MCUR1: variants seen among roughly 807,000 people sequenced by gnomAD.
The protein encoded by MCUR1 is mitochondrial calcium uniporter regulator 1.
A neutral mutation model predicts 42.0 loss-of-function variants in MCUR1; 37 were observed. The observed-to-expected ratio is 0.88, with a 90% CI of 0.68 to 1.16. MCUR1 has a LOEUF of 1.16. Among genes scored for constraint, MCUR1 ranks in the 50% most tolerant of loss-of-function variants. The pLI, the probability that MCUR1 is intolerant of heterozygous loss-of-function variation, is 0.00. For missense variants in MCUR1, 469 were observed against 468.4 expected (o/e 1.00, Z -0.01); for synonymous variants, 229 against 196.2 (o/e 1.17, Z -1.40).
chr6:13,800,555 C>A (rs758775366), intron 4 of MCUR1, among the ~76,000 whole-genome samples, 173 bp from the exon 5 acceptor site: 4 of 152,192 alleles, frequency 2.6e-5, no homozygotes, highest in African/African-American at 9.7e-5. Context: ...AGTTTGAATT[C>A]ATCTTGAAGG....
In MCUR1 at chr6:13,813,881, C is replaced by A. The variant is rs901697685; in HGVS notation, c.415+134G>T. The A allele has an allele frequency of 7.2e-5, 69 of 962,184 alleles. No homozygotes were observed. In the African/African-American group the frequency reaches 9.5e-4, roughly 13 times the overall value. The allele number at this position is 962,184 out of a possible 1,614,324, so 59.6% of individuals were successfully genotyped here. ...CCGGACCTTCGACCCACGCTCCGGG[C>A]AGATGCCGGTGGCCTTGGAGGACCC... On this transcript the variant is annotated intron_variant, in intron 1 of 8. Coordinates refer to ENST00000379170, the MANE Select transcript of MCUR1 (RefSeq NM_001031713.4).
At chr6:13,796,719 A>G (rs1759865620) in intron 6 of MCUR1, among the ~76,000 whole-genome samples, 1 of 152,218 alleles carries the variant, frequency 6.6e-6, no homozygotes, top group Non-Finnish European at 1.5e-5. Context: ...AAAAATGTAC[A>G]TATATATCAG....
In MCUR1 at chr6:13,787,401, T is replaced by C. The variant is rs1759627221; in HGVS notation, c.*3408A>G. 6.6e-6 allele frequency: 1 copy of C among 152,166 alleles called. No homozygotes were observed. The highest frequency in any genetic ancestry group is 1.5e-5 in the Non-Finnish European group (1 of 68,020). 9.4% of individuals were successfully genotyped at this position (152,166 alleles called of 1,614,324 possible). A position where few individuals can be genotyped will look rare whatever the true frequency, so the allele number is the denominator to read the frequency against. On this transcript the variant is annotated 3_prime_UTR_variant, in exon 9 of 9. Coordinates refer to ENST00000379170, the MANE Select transcript of MCUR1 (RefSeq NM_001031713.4). ...CATTCAGATTTAGTTTTGCTAGATA[T>C]TAAACTAGAAAACTGGATGACAGTA...
rs757376760 is a variant in MCUR1, at chr6:13,798,840, T to C, written c.848A>G (p.Lys283Arg). The change falls in exon 6 of 9, where the codon AAA (lysine) becomes AGA (arginine). Residue 283 changes from lysine to arginine, a missense_variant. Lys to Arg is a conservative substitution (Grantham distance 26). Coordinates refer to ENST00000379170, the MANE Select transcript of MCUR1 (RefSeq NM_001031713.4). ...TTTAGTAAAGGAACGTACCAATTCT[T>C]TTACTCTGCTCTTTTCTAGGTTGAA... ...LDFNLEKSRV[K>R]ELYSLNEKKL... 1.3e-5 allele frequency: 21 copies of C among 1,611,002 alleles called. No homozygotes were observed. The Middle Eastern group carries it at 1.3e-3, about 101-fold the overall frequency.
chr6:13,804,957 T>C (rs9396165), intron 2 of MCUR1, among the ~76,000 whole-genome samples: 61,296 of 151,602 alleles, frequency 0.4, 13,934 homozygotes, highest in South Asian at 0.52. Context: ...AAAGAAAGGG[T>C]AGAATATGCC....
chr6:13,803,354 C>T (rs1760035782), intron 2 of MCUR1, among the ~76,000 whole-genome samples: 1 of 152,174 alleles, frequency 6.6e-6, no homozygotes, highest in Non-Finnish European at 1.5e-5. Context: ...AGCCACCACG[C>T]CTGGCCAGTA....
intron 6 of MCUR1, 107 bp from the exon 7 acceptor site, chr6:13,794,054 C>T (rs1365232682): frequency 4.4e-6 from 4 of 909,752 alleles, no homozygotes; most frequent in African/African-American, 1.7e-5. Flanking sequence ...ATACGTAACA[C>T]CAGAAAGTCA....
intron 8 of MCUR1, 62 bp from the exon 9 acceptor site, chr6:13,790,926 C>CT (rs1249600523): frequency 7.7e-6 from 10 of 1,298,614 alleles, no homozygotes; most frequent in African/African-American, 3.0e-5. Flanking sequence ...GAGGGAACAT[C>CT]TTTTTTTAAG....
At chr6:13,806,633 A>T (rs1433246908) in intron 2 of MCUR1, among the ~76,000 whole-genome samples, 1 of 152,180 alleles carries the variant, frequency 6.6e-6, no homozygotes, top group Non-Finnish European at 1.5e-5. Flanking sequence ...AGTCAAAGAG[A>T]TACAAAAATC....
chr6:13,812,627 C>T (rs899206174), intron 1 of MCUR1, among the ~76,000 whole-genome samples: 11 of 152,186 alleles, frequency 7.2e-5, no homozygotes, highest in Non-Finnish European at 1.2e-4. Context: ...ACTCATTCCC[C>T]ACTCTCTGTA....
chr6:13,807,026 C>A lies in MCUR1; in HGVS notation c.434G>T (p.Gly145Val), dbSNP rs1410922144. 1.2e-6 allele frequency: 2 copies of A among 1,612,220 alleles called. No homozygotes were observed. The highest frequency in any genetic ancestry group is 2.7e-5 in the African/African-American group (2 of 74,844). The change falls in exon 2 of 9, where the codon GGA becomes GTA. Residue 145 changes from glycine to valine, a missense_variant. Coordinates refer to ENST00000379170, the MANE Select transcript of MCUR1 (RefSeq NM_001031713.4). ...CCTTTTGCGCTCCAGCTGCAGGGAT[C>A]CAGCAGACAAGCTTAGCTCTAGGGT... Reference protein sequence around the residue: ...SCRRELSLSAGSLQLERKRRD... With the variant: ...SCRRELSLSAVSLQLERKRRD...
At position 13,814,256 on chromosome 6, in the gene MCUR1, C is replaced by A; in HGVS notation, c.174G>T (p.Ala58=). 4 of 1,474,042 alleles carry A rather than the reference C, an allele frequency of 2.7e-6. No individual in the cohort carries two copies. The highest frequency in any genetic ancestry group is 3.6e-6 in the Non-Finnish European group (4 of 1,120,164). The allele number at this position is 1,474,042 out of a possible 1,614,324, so 91.3% of individuals were successfully genotyped here. ...AGGCACGTGACACGCCGCCGCGGGC[C>A]GCCGGGGCGCGAGGGCGCAGCGCCC... ...GLGALRPRAP[A]ARGGVSRASP... Residue 58 remains alanine, a synonymous_variant, in exon 1 of 9, where the codon GCG becomes GCT. Coordinates refer to ENST00000379170, the MANE Select transcript of MCUR1 (RefSeq NM_001031713.4).
chr6:13,808,285 T>C (rs796689882), intron 1 of MCUR1, among the ~76,000 whole-genome samples: 12 of 152,348 alleles, frequency 7.9e-5, no homozygotes, highest in African/African-American at 2.9e-4. Context: ...CAGTCTGTGG[T>C]ATCTCCTTAT....
At chr6:13,808,349 T>C (rs758558830) in intron 1 of MCUR1, among the ~76,000 whole-genome samples, 1 of 152,202 alleles carries the variant, frequency 6.6e-6, no homozygotes, top group African/African-American at 2.4e-5. Context: ...AATAGGGTTG[T>C]CTTTCTATTA....
chr6:13,811,556 C>T (rs1324235842), intron 1 of MCUR1, among the ~76,000 whole-genome samples: 3 of 152,076 alleles, frequency 2.0e-5, no homozygotes, highest in Non-Finnish European at 4.4e-5. Context: ...CTGCCCAACA[C>T]AGAAGAGACC....
intron 2 of MCUR1, among the ~76,000 whole-genome samples, chr6:13,803,281 G>A (rs1030037219): frequency 3.3e-5 from 5 of 152,184 alleles, no homozygotes; most frequent in African/African-American, 9.7e-5. Context: ...GGCTGTTCTC[G>A]AACTCCCGAC....
At chr6:13,808,779 A>C (rs1338222979) in intron 1 of MCUR1, among the ~76,000 whole-genome samples, 1 of 151,598 alleles carries the variant, frequency 6.6e-6, no homozygotes, top group Non-Finnish European at 1.5e-5. Flanking sequence ...ATGTCTTGTC[A>C]CTCTTGTTGA....
intron 4 of MCUR1, among the ~76,000 whole-genome samples, 182 bp downstream of exon 4, chr6:13,801,106 T>TGA (rs1759978903): frequency 6.6e-6 from 1 of 152,214 alleles, no homozygotes; most frequent in South Asian, 2.1e-4. Flanking sequence ...CAGGAGCAAC[T>TGA]GAGAGGCATG....
At chr6:13,812,179 G>C (rs907419761) in intron 1 of MCUR1, among the ~76,000 whole-genome samples, 3 of 151,988 alleles carry the variant, frequency 2.0e-5, no homozygotes, top group African/African-American at 7.3e-5. Context: ...TTACAATAGA[G>C]GCCCAAAGGT....
Sources: allele counts gnomAD v4.1 joint callset (sites outside exome capture counted in the v4.1 genomes callset), GRCh38; gene constraint gnomAD v4.1.1; transcripts MANE v1.5; gene names NCBI Gene and HGNC (gene_info 2026-07-23, HGNC 2026-07-21).